The following COL25A1 variants were observed in gnomAD, a reference collection of about 807,000 sequenced individuals.
COL25A1 encodes collagen alpha-1(XXV) chain.
COL25A1 carries 103 observed loss-of-function variants against 128.4 expected under a neutral mutation model. The observed-to-expected ratio is 0.80, with a 90% confidence interval of 0.68 to 0.94. The LOEUF is 0.94. Ranked by LOEUF, COL25A1 falls within the 40% of genes least tolerant of loss-of-function variation. The probability of loss-of-function intolerance (pLI) is 0.00; values close to 1 mark genes in which losing one functional copy is unlikely to be tolerated. For missense variants in COL25A1, 745 were observed against 840.0 expected (o/e 0.89, Z 1.40); for synonymous variants, 279 against 277.2 (o/e 1.01, Z -0.06).
intron 5 of COL25A1, among the ~76,000 whole-genome samples, chr4:109,046,262 A>C (rs1760417792): frequency 6.6e-6 from 1 of 152,200 alleles, no homozygotes; most frequent in African/African-American, 2.4e-5. Context: ...GCTTAATGCT[A>C]ATTCTCTCTT....
chr4:109,067,001 T>A (rs761142651), intron 3 of COL25A1, among the ~76,000 whole-genome samples: 1 of 152,216 alleles, frequency 6.6e-6, no homozygotes, highest in Admixed American at 6.5e-5. Context: ...GTCACTTTGA[T>A]AATATAATAT....
chr4:109,145,997 C>T (rs1388693754), intron 3 of COL25A1, among the ~76,000 whole-genome samples: 1 of 151,994 alleles, frequency 6.6e-6, no homozygotes, highest in Non-Finnish European at 1.5e-5. Flanking sequence ...AAGCCTATTT[C>T]TTTCTAATTT....
chr4:109,071,691 GA>G (rs1406855955), intron 3 of COL25A1, among the ~76,000 whole-genome samples: 8 of 152,166 alleles, frequency 5.3e-5, no homozygotes, highest in Non-Finnish European at 1.0e-4. Context: ...AAAGACACAT[GA>G]AAAAATGCTC....
intron 8 of COL25A1, among the ~76,000 whole-genome samples, chr4:108,959,335 A>G (rs927602992): frequency 6.6e-6 from 1 of 152,066 alleles, no homozygotes; most frequent in African/African-American, 2.4e-5. Flanking sequence ...GGGAAAGAAA[A>G]ATGAAATGTA....
intron 3 of COL25A1, among the ~76,000 whole-genome samples, chr4:109,241,241 A>G (rs1779878428): frequency 2.0e-5 from 3 of 152,148 alleles, no homozygotes; most frequent in South Asian, 2.1e-4. Context: ...TAATTCTCAC[A>G]TTCTAGAAAC....
chr4:108,937,971 T>C (rs575023174), intron 10 of COL25A1, 128 bp from the exon 11 acceptor site: 2 of 669,132 alleles, frequency 3.0e-6, no homozygotes, highest in African/African-American at 3.7e-5. Context: ...AATAGAGGAA[T>C]GTAGCACATT....
chr4:109,013,869 T>A (rs899053618), intron 5 of COL25A1, among the ~76,000 whole-genome samples: 1 of 152,268 alleles, frequency 6.6e-6, no homozygotes. Context: ...ATTCTTGAAG[T>A]CAGTGAGACC....
chr4:109,250,330 T>G (rs1354102558), intron 3 of COL25A1, among the ~76,000 whole-genome samples: 2 of 137,348 alleles, frequency 1.5e-5, no homozygotes, highest in African/African-American at 5.8e-5. Flanking sequence ...ACTAACCATA[T>G]GTATTAGAGT....
chr4:108,940,759 A>G, intron 9 of COL25A1, 113 bp from the exon 10 acceptor site: 1 of 658,746 alleles, frequency 1.5e-6, no homozygotes, highest in Non-Finnish European at 2.5e-6. Flanking sequence ...TATGAAAAGA[A>G]CCAGAACAAC....
At chr4:109,254,432 A>G (rs1446582648) in intron 3 of COL25A1, among the ~76,000 whole-genome samples, 1 of 138,904 alleles carries the variant, frequency 7.2e-6, no homozygotes, top group African/African-American at 2.7e-5. Flanking sequence ...TTCACATAAC[A>G]GCAACAACAG....
At chr4:109,131,398 C>T (rs990762979) in intron 3 of COL25A1, among the ~76,000 whole-genome samples, 6 of 152,058 alleles carry the variant, frequency 3.9e-5, no homozygotes, top group South Asian at 2.1e-4. Flanking sequence ...AGAAATGTAA[C>T]GGATGATGGA....
chr4:108,824,566 T>C (rs1157843243), intron 34 of COL25A1, among the ~76,000 whole-genome samples: 1 of 152,052 alleles, frequency 6.6e-6, no homozygotes, highest in Non-Finnish European at 1.5e-5. Context: ...TAAAATGGGG[T>C]TAATGATATC....
chr4:108,933,562 T>C (rs1189269148), intron 11 of COL25A1, among the ~76,000 whole-genome samples: 1 of 152,210 alleles, frequency 6.6e-6, no homozygotes. Flanking sequence ...ATTATTCAAC[T>C]ATTCTTAGCC....
intron 6 of COL25A1, among the ~76,000 whole-genome samples, chr4:108,990,180 C>T (rs1249989826): frequency 8.2e-6 from 1 of 121,482 alleles, no homozygotes; most frequent in African/African-American, 3.3e-5. Context: ...CCATTGCACT[C>T]CAGCCTGGGC....
At chr4:108,911,835 G>A (rs1465870679) in intron 13 of COL25A1, among the ~76,000 whole-genome samples, 1 of 146,068 alleles carries the variant, frequency 6.8e-6, no homozygotes, top group African/African-American at 2.5e-5. Context: ...CAGCAAGTGA[G>A]GAGCTTTACT....
chr4:108,935,164 TA>T (rs1258952622), intron 11 of COL25A1, among the ~76,000 whole-genome samples: 3 of 152,088 alleles, frequency 2.0e-5, no homozygotes, highest in Non-Finnish European at 4.4e-5. Context: ...TGAAAGCCAT[TA>T]AAAGAGGTAG....
chr4:109,041,390 C>CT (rs1308403856), intron 5 of COL25A1, among the ~76,000 whole-genome samples: 6 of 152,062 alleles, frequency 3.9e-5, no homozygotes, highest in African/African-American at 1.4e-4. Context: ...AATCCCCTTC[C>CT]TTTAATTTTT....
At chr4:109,105,564 G>C (rs1424945367) in intron 3 of COL25A1, among the ~76,000 whole-genome samples, 1 of 150,888 alleles carries the variant, frequency 6.6e-6, no homozygotes, top group African/African-American at 2.5e-5. Context: ...AAAGAAATTG[G>C]AAGAAGTTCA....
At chr4:108,822,725 T>C (rs1731926775) in intron 35 of COL25A1, among the ~76,000 whole-genome samples, 1 of 152,208 alleles carries the variant, frequency 6.6e-6, no homozygotes, top group Non-Finnish European at 1.5e-5. Context: ...TGCACCCAGC[T>C]ACATATCATC....
Sources: allele counts gnomAD v4.1 joint callset (sites outside exome capture counted in the v4.1 genomes callset), GRCh38; gene constraint gnomAD v4.1.1; transcripts MANE v1.5; gene names NCBI Gene and HGNC (gene_info 2026-07-23, HGNC 2026-07-21).